FMN1: variants seen among roughly 807,000 people sequenced by gnomAD.
The protein encoded by FMN1 is formin-1.
FMN1 carries 110 observed loss-of-function variants against 132.4 expected under a neutral mutation model. The ratio of observed to expected loss-of-function variants is 0.83; its 90% confidence interval spans 0.71 to 0.97. The LOEUF (loss-of-function observed/expected upper bound fraction) is 0.97, where lower values mean the gene tolerates loss of function less well. Among genes scored for constraint, FMN1 ranks in the 50% least tolerant of loss-of-function variants. The pLI is 0.00. For missense variants in FMN1, 1,792 were observed against 1,705.3 expected (o/e 1.05, Z -0.90); for synonymous variants, 722 against 651.7 (o/e 1.11, Z -1.64).
chr15:33,010,260 A>G (rs2034639590), intron 6 of FMN1, among the ~76,000 whole-genome samples: 1 of 152,160 alleles, frequency 6.6e-6, no homozygotes, highest in African/African-American at 2.4e-5. Context: ...AAGACAATCT[A>G]GAGGGATGAA....
chr15:32,843,728 G>T (rs1385316650), intron 17 of FMN1, among the ~76,000 whole-genome samples: 1 of 152,194 alleles, frequency 6.6e-6, no homozygotes, highest in Non-Finnish European at 1.5e-5. Context: ...CAACAAGTTG[G>T]TGGATGCTAA....
chr15:32,927,534 T>C lies in FMN1; in HGVS notation c.3139-1273A>G, dbSNP rs149787946. ...TTGGTCTCCCAAATTATTGGGATTA[T>C]AGGTGTGAGCCACCACACTTGGCCT... On this transcript the variant is annotated intron_variant, in intron 9 of 20. Transcript: ENST00000616417. 8.4e-3 allele frequency among the ~76,000 whole-genome samples: 1,278 copies of C among 152,326 alleles called. 7 individuals carry two copies. Among genetic ancestry groups the C allele is most frequent in the South Asian group, 0.029 (140 of 4,826 alleles).
chr15:32,846,951 A>G (rs1296199262), intron 17 of FMN1, among the ~76,000 whole-genome samples: 1 of 152,218 alleles, frequency 6.6e-6, no homozygotes, highest in Admixed American at 6.5e-5. Context: ...GGGTGAATTC[A>G]CAAGGGGCTA....
chr15:33,132,224 A>G (rs1269235751), intron 4 of FMN1, among the ~76,000 whole-genome samples: 1 of 151,974 alleles, frequency 6.6e-6, no homozygotes, highest in Non-Finnish European at 1.5e-5. Flanking sequence ...CTCAATTCTA[A>G]TAATACCAAA....
At chr15:32,961,364 C>T (rs1469638738) in intron 9 of FMN1, among the ~76,000 whole-genome samples, 1 of 152,040 alleles carries the variant, frequency 6.6e-6, no homozygotes, top group African/African-American at 2.4e-5. Context: ...GAACTCCTGA[C>T]CTCAGCTGAT....
intron 4 of FMN1, chr15:33,151,274 T>C (rs1347977198): frequency 6.5e-7 from 1 of 1,536,056 alleles, no homozygotes; most frequent in Non-Finnish European, 8.7e-7. Context: ...ACTTCTACTC[T>C]CCTTCCCTTT....
At chr15:33,102,526 TCTTC>T (rs2039333515) in intron 4 of FMN1, among the ~76,000 whole-genome samples, 2 of 120,504 alleles carry the variant, frequency 1.7e-5, no homozygotes, top group South Asian at 2.3e-4. Flanking sequence ...CCTCATTCTT[TCTTC>T]TTTTCCTCTC....
chr15:32,813,329 T>A (rs2057949502), intron 17 of FMN1, among the ~76,000 whole-genome samples: 2 of 152,204 alleles, frequency 1.3e-5, no homozygotes, highest in African/African-American at 4.8e-5. Context: ...AAACATTTTA[T>A]CAAGTCACAG....
intron 19 of FMN1, among the ~76,000 whole-genome samples, chr15:32,778,286 A>AT (rs2056556230): frequency 6.9e-6 from 1 of 144,840 alleles, no homozygotes; most frequent in African/African-American, 2.5e-5. Context: ...TTATATATAT[A>AT]TATATTTTTT....
chr15:32,971,265 A>G (rs2031766065), intron 7 of FMN1, among the ~76,000 whole-genome samples: 1 of 152,268 alleles, frequency 6.6e-6, no homozygotes, highest in Non-Finnish European at 1.5e-5. Flanking sequence ...GCTAATGCTA[A>G]TAGCAGAGCA....
intron 4 of FMN1, among the ~76,000 whole-genome samples, chr15:33,110,882 G>A (rs1056224382): frequency 6.6e-6 from 1 of 151,988 alleles, no homozygotes; most frequent in Non-Finnish European, 1.5e-5. Flanking sequence ...TTGGCATGCA[G>A]TATATTTTTA....
intron 4 of FMN1, 124 bp from the exon 5 acceptor site, chr15:33,089,098 T>A: frequency 1.3e-6 from 1 of 777,784 alleles, no homozygotes; most frequent in Non-Finnish European, 1.9e-6. Context: ...TTCTAAGTTA[T>A]ATTTTTAAGA....
At chr15:33,087,812 C>CAT (rs778597228) in intron 5 of FMN1, among the ~76,000 whole-genome samples, 36 of 107,998 alleles carry the variant, frequency 3.3e-4, no homozygotes, top group Non-Finnish European at 1.9e-4. Flanking sequence ...TATACATATA[C>CAT]ACATATATAT....
intron 11 of FMN1, among the ~76,000 whole-genome samples, chr15:32,910,048 T>C (rs1399978953): frequency 6.6e-6 from 1 of 152,060 alleles, no homozygotes; most frequent in East Asian, 1.9e-4. Context: ...ATACCTACCA[T>C]TCTACACACC....
chr15:32,819,675 A>G (rs1409513585), intron 17 of FMN1, among the ~76,000 whole-genome samples: 1 of 152,186 alleles, frequency 6.6e-6, no homozygotes, highest in Non-Finnish European at 1.5e-5. Context: ...ATAATGACTG[A>G]TAGGAAAAAA....
intron 20 of FMN1, among the ~76,000 whole-genome samples, chr15:32,774,743 T>C (rs962747621): frequency 6.6e-6 from 1 of 151,580 alleles, no homozygotes; most frequent in African/African-American, 2.4e-5. Flanking sequence ...CAAGAAGATA[T>C]GAAAAAAAAA....
At position 32,769,093 on chromosome 15, in the gene FMN1, A is replaced by C. The variant is rs2056143784; in HGVS notation, c.*5217T>G. 6.6e-6 allele frequency: 1 copy of C among 152,234 alleles called. No homozygotes were observed. Among genetic ancestry groups the C allele is most frequent in the African/African-American group, 2.4e-5 (1 of 41,458 alleles). The allele number at this position is 152,234 out of a possible 1,614,324, so 9.4% of individuals were successfully genotyped here. ...ACAGCAGACCTACTGAATGAGGCTTAATTTGCTTCCCTAATCTCTCCATTG... is the reference window on the plus strand; with the variant it reads ...ACAGCAGACCTACTGAATGAGGCTTCATTTGCTTCCCTAATCTCTCCATTG... On this transcript the variant is annotated 3_prime_UTR_variant, in exon 21 of 21. Transcript: ENST00000616417.
intron 2 of FMN1, among the ~76,000 whole-genome samples, chr15:33,191,489 A>T (rs905295724): frequency 6.6e-6 from 1 of 152,184 alleles, no homozygotes; most frequent in African/African-American, 2.4e-5. Context: ...AGGAGGACCA[A>T]CTCTCTTCTC....
At chr15:32,927,186 A>G (rs564704020) in intron 9 of FMN1, among the ~76,000 whole-genome samples, 2 of 152,322 alleles carry the variant, frequency 1.3e-5, no homozygotes, top group African/African-American at 4.8e-5. Flanking sequence ...TCTGTTTCAG[A>G]GAGGTTACTT....
Sources: gnomAD v4.1 joint callset for allele counts (sites outside exome capture counted in the v4.1 genomes callset) on GRCh38, gnomAD v4.1.1 for gene constraint, MANE v1.5 for transcripts, NCBI Gene and HGNC (gene_info 2026-07-23, HGNC 2026-07-21) for gene names.